Variants in ATRNL1 observed in about 807,000 individuals in gnomAD.
ATRNL1 encodes attractin like 1.
A neutral mutation model predicts 182.7 loss-of-function variants in ATRNL1; 95 were observed. The observed-to-expected ratio is 0.52, with a 90% CI of 0.44 to 0.62. The LOEUF is 0.62. Ranked by LOEUF, ATRNL1 falls within the 20% of genes least tolerant of loss-of-function variation. ATRNL1 has a pLI of 0.00. For synonymous variants in ATRNL1, 576 were observed against 568.3 expected (o/e 1.01, Z -0.19); for missense variants, 1,471 against 1,679.5 (o/e 0.88, Z 2.17).
chr10:115,566,355 T>G (rs2133851547), intron 26 of ATRNL1, among the ~76,000 whole-genome samples: 1 of 152,290 alleles, frequency 6.6e-6, no homozygotes, highest in Non-Finnish European at 1.5e-5. Context: ...TATTATTACT[T>G]TCAGAATAGT....
intron 28 of ATRNL1, among the ~76,000 whole-genome samples, chr10:115,883,197 C>A (rs1466276565): frequency 6.6e-6 from 1 of 152,164 alleles, no homozygotes; most frequent in Non-Finnish European, 1.5e-5. Context: ...AACTCTTTAC[C>A]CCTCCTGCAC....
chr10:115,297,843 C>T (rs1362816751), intron 15 of ATRNL1, among the ~76,000 whole-genome samples: 1 of 151,938 alleles, frequency 6.6e-6, no homozygotes, highest in Non-Finnish European at 1.5e-5. Flanking sequence ...ACAATATAAC[C>T]TTGAAATGTG....
At chr10:115,611,313 A>G (rs1177089213) in intron 26 of ATRNL1, among the ~76,000 whole-genome samples, 1 of 152,148 alleles carries the variant, frequency 6.6e-6, no homozygotes, top group African/African-American at 2.4e-5. Context: ...TTTCCTTTGG[A>G]GAGCAATTTT....
intron 28 of ATRNL1, among the ~76,000 whole-genome samples, chr10:115,850,017 T>A (rs1009840283): frequency 6.6e-6 from 1 of 152,156 alleles, no homozygotes; most frequent in South Asian, 2.1e-4. Context: ...CGTACATAAT[T>A]CAGAATGAGC....
intron 5 of ATRNL1, among the ~76,000 whole-genome samples, chr10:115,156,647 A>G (rs1253589602): frequency 1.3e-5 from 2 of 152,144 alleles, no homozygotes; most frequent in South Asian, 2.1e-4. Context: ...AAAACTGTGC[A>G]TAACCTGCGG....
At chr10:115,540,756 T>TA (rs34811826) in intron 25 of ATRNL1, among the ~76,000 whole-genome samples, 70 of 77,642 alleles carry the variant, frequency 9.0e-4, no homozygotes, top group East Asian at 2.8e-3. Flanking sequence ...AAACTCCGTC[T>TA]AAAAAAAAAA....
chr10:115,893,638 C>G (rs1354992865), intron 28 of ATRNL1, among the ~76,000 whole-genome samples: 1 of 152,150 alleles, frequency 6.6e-6, no homozygotes, highest in African/African-American at 2.4e-5. Flanking sequence ...CTGGGGAAAG[C>G]TGAATAGCCC....
intron 23 of ATRNL1, among the ~76,000 whole-genome samples, chr10:115,467,479 A>G (rs1554971106): frequency 6.6e-6 from 1 of 150,908 alleles, no homozygotes; most frequent in Admixed American, 6.6e-5. Context: ...AATATTATAC[A>G]CTAAATTAAA....
At chr10:115,600,297 A>G (rs544511538) in intron 26 of ATRNL1, among the ~76,000 whole-genome samples, 18 of 152,244 alleles carry the variant, frequency 1.2e-4, no homozygotes, top group African/African-American at 3.8e-4. Context: ...TTTTACTGTA[A>G]ATATGTTTGA....
chr10:115,300,172 A>T lies in ATRNL1; in HGVS notation c.2554A>T (p.Arg852Trp). ...TTCTGGGTTTTGTGCATATCTGGAA[A>T]GGGCTGCAGTGGCAGGCTTAAAAGC... ...NDSGFCAYLE[R>W]AAVAGLKANP... Residue 852 changes from arginine (R) to tryptophan (W), a missense_variant, in exon 16 of 29, where the codon AGG becomes TGG. Physicochemically the swap from Arg to Trp is moderately radical, Grantham distance 101. This residue lies in a region of ATRNL1 where 1,031 missense variants were observed against 1,156.0 expected (regional missense o/e 0.89). Transcript: ENST00000355044. The T allele has an allele frequency of 6.2e-7, 1 of 1,614,116 alleles. No homozygotes were observed. Among genetic ancestry groups the T allele is most frequent in the Non-Finnish European group, 8.5e-7 (1 of 1,179,950 alleles).
chr10:115,157,998 G>A (rs1846602191), intron 5 of ATRNL1, among the ~76,000 whole-genome samples: 1 of 151,798 alleles, frequency 6.6e-6, no homozygotes, highest in Non-Finnish European at 1.5e-5. Flanking sequence ...GTGCCTTTGG[G>A]TGGTGGCCTG....
At chr10:115,846,388 C>G (rs1167699971) in intron 27 of ATRNL1, among the ~76,000 whole-genome samples, 1 of 151,700 alleles carries the variant, frequency 6.6e-6, no homozygotes, top group Non-Finnish European at 1.5e-5. Flanking sequence ...TTTAATGCCT[C>G]ATTAAACTTT....
chr10:115,337,591 C>A (rs1406685231), intron 19 of ATRNL1, among the ~76,000 whole-genome samples: 2 of 152,102 alleles, frequency 1.3e-5, no homozygotes, highest in Non-Finnish European at 2.9e-5. Context: ...TGTCTATGTT[C>A]ATGAATTCAA....
intron 10 of ATRNL1, among the ~76,000 whole-genome samples, chr10:115,254,710 C>G (rs1157746595): frequency 6.6e-6 from 1 of 152,154 alleles, no homozygotes; most frequent in African/African-American, 2.4e-5. Flanking sequence ...AGTCCTTGCC[C>G]ATGCCTATGT....
chr10:115,797,885 A>G (rs190076126), intron 27 of ATRNL1, among the ~76,000 whole-genome samples: 2 of 152,264 alleles, frequency 1.3e-5, no homozygotes, highest in East Asian at 3.9e-4. Flanking sequence ...TGTTGCAAAT[A>G]CTTCAGTGAG....
At chr10:115,895,076 A>C (rs1305790241) in intron 28 of ATRNL1, among the ~76,000 whole-genome samples, 3 of 152,222 alleles carry the variant, frequency 2.0e-5, no homozygotes, top group Admixed American at 6.5e-5. Flanking sequence ...AATTAAAACA[A>C]TTTCATCAAA....
intron 21 of ATRNL1, among the ~76,000 whole-genome samples, chr10:115,453,532 T>C (rs2134495318): frequency 6.6e-6 from 1 of 152,252 alleles, no homozygotes. Flanking sequence ...CTTTTTAGTT[T>C]GATGTAATTT....
intron 27 of ATRNL1, among the ~76,000 whole-genome samples, chr10:115,730,752 G>T (rs1026354569): frequency 1.3e-5 from 2 of 151,996 alleles, no homozygotes; most frequent in East Asian, 1.9e-4. Flanking sequence ...ATTAGTCAGG[G>T]TTCTATAGAG....
rs782232878 is a variant in ATRNL1, at chr10:115,160,131, A to T, written c.921A>T (p.Ser307=). 2.8e-5 allele frequency: 45 copies of T among 1,612,606 alleles called. No homozygotes were observed. The Admixed American group carries it at 7.5e-4, about 27-fold the overall frequency. ...TCAGTCCTTCTGTAGGTCGGGCTTCACATAAAGCAGTTTTACACGGGAAAT... is the reference window on the plus strand; with the variant it reads ...TCAGTCCTTCTGTAGGTCGGGCTTCTCATAAAGCAGTTTTACACGGGAAAT... ...KPFSPSVGRA[S]HKAVLHGKFM... The change falls in exon 6 of 29, where the codon TCA becomes TCT. Residue 307 remains serine, a synonymous_variant. Transcript: ENST00000355044.
Sources: gnomAD v4.1 joint callset for allele counts (sites outside exome capture counted in the v4.1 genomes callset) on GRCh38, gnomAD v4.1.1 for gene constraint, gnomAD v4.1.1 regional missense constraint, MANE v1.5 for transcripts, NCBI Gene and HGNC (gene_info 2026-07-23, HGNC 2026-07-21) for gene names.